FBLN7: variants seen among roughly 807,000 people sequenced by gnomAD.
The protein encoded by FBLN7 is fibulin 7, also known as fibulin-7.
Under a neutral mutation model 44.0 loss-of-function variants are expected in FBLN7, and 31 were observed. The ratio of observed to expected loss-of-function variants is 0.70; its 90% confidence interval spans 0.53 to 0.95. FBLN7 has a LOEUF of 0.95. Ranked by LOEUF, FBLN7 falls within the 40% of genes least tolerant of loss-of-function variation. The pLI is 0.00. For missense variants in FBLN7, 573 were observed against 618.5 expected (o/e 0.93, Z 0.78); for synonymous variants, 262 against 253.4 (o/e 1.03, Z -0.32).
chr2:112,230,827 C>T, the FBLN7 span: 1 of 908,262 alleles, frequency 1.1e-6, no homozygotes, highest in Non-Finnish European at 1.5e-6. Context: ...TATTTGAGAA[C>T]CCTATTGAGG....
chr2:112,236,561 C>A, the FBLN7 span: 3 of 1,612,572 alleles, frequency 1.9e-6, no homozygotes, highest in Non-Finnish European at 2.5e-6. Flanking sequence ...TATTCCAATA[C>A]CTCTTCCTGT....
At chr2:112,220,096 A>G in the FBLN7 span, among the ~76,000 whole-genome samples, 2 of 152,316 alleles carry the variant, frequency 1.3e-5, no homozygotes, top group African/African-American at 2.4e-5. Context: ...TTTTGTTTCT[A>G]TATCAGCTTT....
At chr2:112,139,970 C>G (rs1318365215) in intron 1 of FBLN7, among the ~76,000 whole-genome samples, 1 of 77,632 alleles carries the variant, frequency 1.3e-5, no homozygotes. Context: ...AGTGTCCCTC[C>G]CGCCTCTCTC....
At chr2:112,205,805 C>T in the FBLN7 span, among the ~76,000 whole-genome samples, 15 of 152,202 alleles carry the variant, frequency 9.9e-5, no homozygotes, top group South Asian at 2.9e-3. Flanking sequence ...TATTCTAGTT[C>T]CTTTGCCTTT....
chr2:112,186,762 C>T lies in FBLN7; in HGVS notation c.948-372C>T, dbSNP rs117535699. Reference sequence around the variant, plus strand: ...AGGTCCTGCCATTACTGGGCGAGGTCGCAGCACATGGAGAAAGGGCACCTG... The same window carrying T: ...AGGTCCTGCCATTACTGGGCGAGGTTGCAGCACATGGAGAAAGGGCACCTG... On this transcript the variant is annotated intron_variant, in intron 7 of 7. Coordinates refer to ENST00000331203, the MANE Select transcript of FBLN7 (RefSeq NM_153214.3). Among the ~76,000 whole-genome samples, 34 of 152,306 alleles carry T rather than the reference C, an allele frequency of 2.2e-4. No homozygotes were observed. The East Asian group carries it at 5.6e-3, about 25-fold the overall frequency.
the FBLN7 span, among the ~76,000 whole-genome samples, chr2:112,224,198 T>C: frequency 7.9e-5 from 12 of 152,200 alleles, no homozygotes; most frequent in South Asian, 2.1e-4. Flanking sequence ...TTCACATTTA[T>C]ATTTAAAAAT....
the FBLN7 span, chr2:112,236,803 T>C: frequency 9.6e-7 from 1 of 1,042,998 alleles, no homozygotes; most frequent in African/African-American, 1.6e-5. Flanking sequence ...TCCCAGCTCT[T>C]TGGGAGGCTG....
At chr2:112,206,240 G>A in the FBLN7 span, among the ~76,000 whole-genome samples, 1 of 152,020 alleles carries the variant, frequency 6.6e-6, no homozygotes, top group African/African-American at 2.4e-5. Flanking sequence ...TCCTGACACT[G>A]GTATTTTTTG....
chr2:112,154,675 A>G (rs1388827348), intron 1 of FBLN7, among the ~76,000 whole-genome samples: 1 of 152,118 alleles, frequency 6.6e-6, no homozygotes, highest in Non-Finnish European at 1.5e-5. Flanking sequence ...TGTCCATCCC[A>G]TAGCCCCTCA....
chr2:112,207,464 C>CAAAA, the FBLN7 span, among the ~76,000 whole-genome samples: 40 of 79,176 alleles, frequency 5.1e-4, no homozygotes, highest in South Asian at 6.6e-3. Flanking sequence ...GACTCCATCT[C>CAAAA]AAAAAAAAAA....
intron 3 of FBLN7, among the ~76,000 whole-genome samples, chr2:112,167,009 G>T (rs1438133211): frequency 6.6e-6 from 1 of 152,196 alleles, no homozygotes; most frequent in Non-Finnish European, 1.5e-5. Context: ...GCTGGAGAGG[G>T]CCTACTGGCT....
intron 1 of FBLN7, 105 bp from the exon 2 acceptor site, chr2:112,159,571 A>G: frequency 1.5e-6 from 2 of 1,344,592 alleles, no homozygotes; most frequent in Non-Finnish European, 2.0e-6. Context: ...GTGAGCTTCA[A>G]ACGCGGTTTG....
the FBLN7 span, among the ~76,000 whole-genome samples, chr2:112,207,928 A>T: frequency 5.9e-5 from 9 of 152,306 alleles, no homozygotes; most frequent in Middle Eastern, 3.4e-3. Flanking sequence ...GGTCATTTTT[A>T]AAAAATCCGT....
intron 3 of FBLN7, among the ~76,000 whole-genome samples, chr2:112,167,869 C>CGTTAT (rs137969881): frequency 0.049 from 6,518 of 132,704 alleles, 203 homozygotes; most frequent in East Asian, 0.13. Flanking sequence ...AGGAAAGACA[C>CGTTAT]GTTATGTTAT....
downstream of FBLN7, among the ~76,000 whole-genome samples, chr2:112,193,013 A>G (rs1683537056): frequency 1.3e-5 from 2 of 152,238 alleles, no homozygotes; most frequent in Admixed American, 1.3e-4. Flanking sequence ...AAAAGCAGTG[A>G]AAGGTGTTTG....
the FBLN7 span, among the ~76,000 whole-genome samples, chr2:112,194,210 A>G: frequency 6.6e-6 from 1 of 152,218 alleles, no homozygotes. Flanking sequence ...GTGGCTTAGC[A>G]CCTAGAACAG....
the FBLN7 span, among the ~76,000 whole-genome samples, chr2:112,220,111 T>C: frequency 6.6e-6 from 1 of 152,236 alleles, no homozygotes; most frequent in African/African-American, 2.4e-5. Context: ...AGCTTTCCAG[T>C]CTGTGCCTTT....
the FBLN7 span, among the ~76,000 whole-genome samples, chr2:112,239,554 T>G: frequency 6.6e-6 from 1 of 150,710 alleles, no homozygotes; most frequent in Admixed American, 6.6e-5. Context: ...ATAAAATATA[T>G]TAGGTGGCCC....
At chr2:112,234,032 T>TA in the FBLN7 span, 3 of 761,354 alleles carry the variant, frequency 3.9e-6, no homozygotes, top group South Asian at 7.4e-5. Context: ...GAAACAGCTT[T>TA]AAAAACCTAA....
Sources: allele counts gnomAD v4.1 joint callset (sites outside exome capture counted in the v4.1 genomes callset), GRCh38; gene constraint gnomAD v4.1.1; transcripts MANE v1.5; gene names NCBI Gene and HGNC (gene_info 2026-07-23, HGNC 2026-07-21).